Variants in DPYD observed in about 807,000 individuals in gnomAD.
DPYD encodes the protein dihydropyrimidine dehydrogenase [NADP(+)].
In DPYD, 109 loss-of-function variants were observed where a neutral mutation model predicts 116.2. The ratio of observed to expected loss-of-function variants is 0.94; its 90% CI spans 0.80 to 1.10. DPYD has a LOEUF of 1.10. DPYD is among the 50% of genes least tolerant of loss of function. The probability of loss-of-function intolerance (pLI) is 0.00; values close to 1 mark genes in which losing one functional copy is unlikely to be tolerated. For missense variants in DPYD, 1,302 were observed against 1,254.5 expected (o/e 1.04, Z -0.57); for synonymous variants, 440 against 432.0 (o/e 1.02, Z -0.23).
At chr1:97,719,538 T>C (rs559726640) in intron 5 of DPYD, among the ~76,000 whole-genome samples, 1 of 152,076 alleles carries the variant, frequency 6.6e-6, no homozygotes, top group South Asian at 2.1e-4. Flanking sequence ...TAAATACTCA[T>C]GTCAATAGTA....
intron 3 of DPYD, among the ~76,000 whole-genome samples, chr1:97,778,418 A>G (rs892602684): frequency 2.0e-5 from 3 of 152,130 alleles, no homozygotes; most frequent in African/African-American, 7.2e-5. Flanking sequence ...CCAAGTAACT[A>G]GCTCAAGTTT....
intron 8 of DPYD, among the ~76,000 whole-genome samples, chr1:97,646,541 A>G (rs1234083248): frequency 6.6e-6 from 1 of 152,086 alleles, no homozygotes; most frequent in Admixed American, 6.6e-5. Context: ...TCATGGTAAT[A>G]CAAGATTAAG....
At chr1:97,322,381 A>T (rs144670990) in intron 16 of DPYD, among the ~76,000 whole-genome samples, 59 of 152,022 alleles carry the variant, frequency 3.9e-4, no homozygotes, top group African/African-American at 1.3e-3. Context: ...AGCTCTGTGG[A>T]CTGATATCCC....
intron 16 of DPYD, among the ~76,000 whole-genome samples, chr1:97,361,722 G>A (rs1213990679): frequency 2.6e-5 from 4 of 152,192 alleles, no homozygotes; most frequent in African/African-American, 7.2e-5. Context: ...TATCTCAATA[G>A]ATGCATAAAA....
At chr1:97,702,661 T>A (rs189295231) in intron 5 of DPYD, among the ~76,000 whole-genome samples, 1 of 152,016 alleles carries the variant, frequency 6.6e-6, no homozygotes, top group Admixed American at 6.6e-5. Context: ...TGGAATATAA[T>A]TTGTGCTCAG....
intron 3 of DPYD, among the ~76,000 whole-genome samples, chr1:97,822,119 T>C (rs943068355): frequency 1.4e-4 from 21 of 151,310 alleles, no homozygotes; most frequent in African/African-American, 4.8e-4. Context: ...CTCAAAAAAT[T>C]ATCTTTACGC....
chr1:97,270,314 T>C (rs780392527), intron 18 of DPYD, among the ~76,000 whole-genome samples: 2 of 152,206 alleles, frequency 1.3e-5, no homozygotes, highest in African/African-American at 4.8e-5. Flanking sequence ...AGAATGTGTA[T>C]AGACTATAAT....
intron 2 of DPYD, among the ~76,000 whole-genome samples, chr1:97,872,888 T>C (rs750024675): frequency 1.3e-5 from 2 of 151,930 alleles, no homozygotes; most frequent in Non-Finnish European, 2.9e-5. Flanking sequence ...ACCGTTTCAA[T>C]CCCTTAACTT....
At chr1:97,167,575 T>A (rs561904301) in intron 20 of DPYD, among the ~76,000 whole-genome samples, 1 of 152,308 alleles carries the variant, frequency 6.6e-6, no homozygotes, top group African/African-American at 2.4e-5. Flanking sequence ...TCATTTTGAA[T>A]TGGTGAAAAG....
rs560575263 is a variant in DPYD at position 97,370,591 on chromosome 1, T to A, written c.2058+2970A>T. Among the ~76,000 whole-genome samples, 30 of 152,286 alleles carry A rather than the reference T, an allele frequency of 2.0e-4. No individual in the cohort carries two copies. In the South Asian group the frequency reaches 3.7e-3, roughly 19 times the overall value. ...CCAGAACTTAAAGCAAATTTTTTTT[T>A]AAAAAGAGCAACACAATATGCACTT... On this transcript the variant is annotated intron_variant, in intron 16 of 22. Transcript: ENST00000370192.
chr1:97,827,281 A>C (rs1669288998), intron 3 of DPYD, among the ~76,000 whole-genome samples: 1 of 152,096 alleles, frequency 6.6e-6, no homozygotes, highest in African/African-American at 2.4e-5. Context: ...TATTTTAAAA[A>C]CATATTTTAA....
chr1:97,131,720 C>T (rs142661898), intron 20 of DPYD, among the ~76,000 whole-genome samples: 1 of 152,188 alleles, frequency 6.6e-6, no homozygotes, highest in East Asian at 1.9e-4. Context: ...GGTGCTCCTA[C>T]TGAGGAGTTC....
rs546641679 is a variant in DPYD at position 97,785,781 on chromosome 1, C to T, written c.233+42333G>A. 1.9e-4 allele frequency among the ~76,000 whole-genome samples: 29 copies of T among 149,478 alleles called. 1 individual carries two copies. The South Asian group carries it at 5.9e-3, about 31-fold the overall frequency. ...ATTCTCCGCTCACTGCAAACTCCAC[C>T]TCCCGGGTTCATGCCATTCTCCTGC... On this transcript the variant is annotated intron_variant, in intron 3 of 22. Transcript: ENST00000370192.
At chr1:97,586,312 A>G (rs1289795080) in intron 10 of DPYD, 1 of 151,666 alleles carries the variant, frequency 6.6e-6, no homozygotes, top group Non-Finnish European at 1.5e-5. Flanking sequence ...GTAGTCTTAT[A>G]TACAATTTTC....
At chr1:97,857,089 A>C (rs1325780142) in intron 2 of DPYD, among the ~76,000 whole-genome samples, 1 of 152,118 alleles carries the variant, frequency 6.6e-6, no homozygotes, top group African/African-American at 2.4e-5. Flanking sequence ...TGCCCAGTAC[A>C]TCTTCCCCTG....
intron 2 of DPYD, among the ~76,000 whole-genome samples, chr1:97,837,409 G>T (rs1669819844): frequency 6.6e-6 from 1 of 152,024 alleles, no homozygotes; most frequent in Non-Finnish European, 1.5e-5. Flanking sequence ...ATCTTCAGAA[G>T]GCATTTTAAA....
At position 97,465,597 on chromosome 1, in the gene DPYD, GCTCT is replaced by G. The variant is rs923478158; in HGVS notation, c.1741-15378_1741-15375del. ...TTATAAAAGGAGTTTTTCTGCACAA[GCTCT>G]CTCTTTCTTTGCCTGCTGTCATCCA... On this transcript the variant is annotated intron_variant, in intron 13 of 22. Transcript: ENST00000370192. Among the ~76,000 whole-genome samples the G allele has an allele frequency of 4.9e-4, 74 of 152,230 alleles. 1 individual carries two copies. Among genetic ancestry groups the G allele is most frequent in the African/African-American group, 1.7e-3 (71 of 41,546 alleles).
At chr1:97,210,905 T>C (rs1163426005) in intron 19 of DPYD, among the ~76,000 whole-genome samples, 1 of 152,194 alleles carries the variant, frequency 6.6e-6, no homozygotes, top group Non-Finnish European at 1.5e-5. Context: ...ACTTCAAGTA[T>C]ATATCGTGAA....
chr1:97,486,412 T>C (rs1678638637), intron 13 of DPYD, among the ~76,000 whole-genome samples: 2 of 152,146 alleles, frequency 1.3e-5, no homozygotes, highest in Non-Finnish European at 2.9e-5. Flanking sequence ...CTCCAAAACT[T>C]TATGACAGAT....
Sources: gnomAD v4.1 joint callset for allele counts (sites outside exome capture counted in the v4.1 genomes callset) on GRCh38, gnomAD v4.1.1 for gene constraint, MANE v1.5 for transcripts, NCBI Gene and HGNC (gene_info 2026-07-23, HGNC 2026-07-21) for gene names.